The following PCDHGB2 variants were observed in gnomAD, a reference collection of about 807,000 sequenced individuals.
PCDHGB2 encodes protocadherin gamma subfamily B, 2.
PCDHGB2 carries 55 observed loss-of-function variants against 59.3 expected under a neutral mutation model. The observed-to-expected ratio is 0.93, with a 90% CI of 0.75 to 1.16. The LOEUF is 1.16. Among genes scored for constraint, PCDHGB2 ranks in the 50% most tolerant of loss-of-function variants. The pLI, the probability that PCDHGB2 is intolerant of heterozygous loss-of-function variation, is 0.00. For synonymous variants in PCDHGB2, 516 were observed against 512.0 expected (o/e 1.01, Z -0.11); for missense variants, 1,228 against 1,198.5 (o/e 1.02, Z -0.36).
rs778294045 is a variant in PCDHGB2 at position 141,399,841 on chromosome 5, G to A, written c.2421+37285G>A. 2 of 1,612,968 alleles carry A rather than the reference G, an allele frequency of 1.2e-6. No homozygotes were observed. Among genetic ancestry groups the A allele is most frequent in the African/African-American group, 1.3e-5 (1 of 74,926 alleles). ...GGGTCCCGACGGCTCTGCGCTCTTC[G>A]ATATGGTGCCGCGCGCTGCAGAGCC... On this transcript the variant is annotated intron_variant, in intron 1 of 3. Transcript: ENST00000522605.
intron 1 of PCDHGB2, among the ~76,000 whole-genome samples, chr5:141,484,045 G>A (rs934525987): frequency 7.9e-5 from 12 of 152,026 alleles, no homozygotes; most frequent in African/African-American, 2.9e-4. Context: ...AGCTCCAAGA[G>A]GTCCCCTGGG....
intron 1 of PCDHGB2, chr5:141,419,926 G>T: frequency 6.2e-7 from 1 of 1,614,096 alleles, no homozygotes; most frequent in South Asian, 1.1e-5. Flanking sequence ...CTGAGATGCA[G>T]TTTTACCTGG....
chr5:141,413,548 A>G, intron 1 of PCDHGB2: 1 of 1,613,946 alleles, frequency 6.2e-7, no homozygotes, highest in Non-Finnish European at 8.5e-7. Context: ...TGGGATAGAA[A>G]TAGAAGTAAC....
intron 1 of PCDHGB2, chr5:141,389,114 C>A: frequency 1.2e-6 from 2 of 1,614,004 alleles, no homozygotes; most frequent in Non-Finnish European, 1.7e-6. Flanking sequence ...TTCTAGACCG[C>A]GAGCAGAATC....
Position 141,511,256 on chromosome 5 carries a change from TTCAGGGC to T in PCDHGB2, c.*85_*91del. 6.4e-7 allele frequency: 1 copy of T among 1,563,506 alleles called. No individual in the cohort carries two copies. Among genetic ancestry groups the T allele is most frequent in the Non-Finnish European group, 8.7e-7 (1 of 1,154,422 alleles). The stretch of plus-strand genomic sequence containing the variant: ...CTTACCTGCACCCAGGCCTCAGAGT[TTCAGGGC>T]TAACCCCCAGAATACTGGTAGGGGC... On this transcript the variant is annotated 3_prime_UTR_variant, in exon 4 of 4. Coordinates refer to ENST00000522605, the MANE Select transcript of PCDHGB2 (RefSeq NM_018923.3).
rs1488305057 is a variant in PCDHGB2, at chr5:141,477,736, C to G, written c.2422-17071C>G. 6.2e-7 allele frequency: 1 copy of G among 1,613,790 alleles called. No homozygotes were observed. The highest frequency in any genetic ancestry group is 1.1e-5 in the South Asian group (1 of 91,088). On this transcript the variant is annotated intron_variant, in intron 1 of 3. Coordinates refer to ENST00000522605, the MANE Select transcript of PCDHGB2 (RefSeq NM_018923.3). This position sits in a 1 kb window ranked among gnomAD's most constrained non-coding sequence, Gnocchi z 4.9. ...AATTTGAATTAACAGCTCATATCAG[C>G]GATGGGGGCACCCCGGTCCTAGCCA...
At chr5:141,410,665 G>C (rs372651223) in intron 1 of PCDHGB2, 9 of 1,569,394 alleles carry the variant, frequency 5.7e-6, no homozygotes, top group Non-Finnish European at 7.7e-6. Flanking sequence ...TAGTCTACTA[G>C]TTTCTCATAT....
chr5:141,404,540 A>G, intron 1 of PCDHGB2: 2 of 1,613,920 alleles, frequency 1.2e-6, no homozygotes, highest in Non-Finnish European at 1.7e-6. Context: ...AGATTTGCAA[A>G]TGCAGGTGAC....
chr5:141,393,078 A>G, intron 1 of PCDHGB2: 1 of 1,613,718 alleles, frequency 6.2e-7, no homozygotes, highest in Non-Finnish European at 8.5e-7. Context: ...CACCGCGGGC[A>G]GGATAGATCG....
rs775081505 is a variant in PCDHGB2 at position 141,486,730 on chromosome 5, T to C, written c.2422-8077T>C. ...ACCCCCAGACAGGAGCTGTTCATGC[T>C]ACTCGATCCTTTGACTATGAGCAAA... On this transcript the variant is annotated intron_variant, in intron 1 of 3. Coordinates refer to ENST00000522605, the MANE Select transcript of PCDHGB2 (RefSeq NM_018923.3). This position sits in a 1 kb window ranked among gnomAD's most constrained non-coding sequence, Gnocchi z 5.0. 1 of 1,614,120 alleles carries C rather than the reference T, an allele frequency of 6.2e-7. No homozygotes were observed. Among genetic ancestry groups the C allele is most frequent in the Non-Finnish European group, 8.5e-7 (1 of 1,180,050 alleles).
chr5:141,403,612 GC>G, intron 1 of PCDHGB2: 1 of 1,613,854 alleles, frequency 6.2e-7, no homozygotes, highest in Non-Finnish European at 8.5e-7. Flanking sequence ...GCGGCGAGCC[GC>G]GTCGCTCCAG....
At chr5:141,375,610 C>G in intron 1 of PCDHGB2, 1 of 1,614,224 alleles carries the variant, frequency 6.2e-7, no homozygotes, top group Non-Finnish European at 8.5e-7. Context: ...CCATCAACTC[C>G]GACACTGGGA....
chr5:141,415,552 G>T (rs1244457142), intron 1 of PCDHGB2: 3 of 1,613,980 alleles, frequency 1.9e-6, no homozygotes, highest in African/African-American at 2.7e-5. Flanking sequence ...TGAGAAAAAC[G>T]ATCCTTTGTC....
chr5:141,463,572 C>A (rs1462125489), intron 1 of PCDHGB2, among the ~76,000 whole-genome samples: 2 of 151,572 alleles, frequency 1.3e-5, no homozygotes, highest in African/African-American at 4.9e-5. Context: ...CCTCAGCCTC[C>A]CGAGTAGCTG....
At position 141,393,369 on chromosome 5, in the gene PCDHGB2, G is replaced by A. The variant is rs748036677; in HGVS notation, c.2421+30813G>A. 19 of 1,613,962 alleles carry A rather than the reference G, an allele frequency of 1.2e-5. No homozygotes were observed. In the South Asian group the frequency reaches 2.0e-4, roughly 17 times the overall value. Reference sequence around the variant, plus strand: ...CTTCTCCCTGGACGTGCAGACTGGAGACAATGGAGCCATAAACCCAGAGCT... The same window carrying A: ...CTTCTCCCTGGACGTGCAGACTGGAAACAATGGAGCCATAAACCCAGAGCT... On this transcript the variant is annotated intron_variant, in intron 1 of 3. Coordinates refer to ENST00000522605, the MANE Select transcript of PCDHGB2 (RefSeq NM_018923.3).
At chr5:141,416,687 A>G (rs1283053610) in intron 1 of PCDHGB2, 1 of 152,270 alleles carries the variant, frequency 6.6e-6, no homozygotes, top group Non-Finnish European at 1.5e-5. Flanking sequence ...GGGAAATTAT[A>G]TAAACAAAGG....
rs183968443 is a variant in PCDHGB2 at position 141,495,033 on chromosome 5, G to A, written c.2480+168G>A. On this transcript the variant is annotated intron_variant, in intron 2 of 3. Coordinates refer to ENST00000522605, the MANE Select transcript of PCDHGB2 (RefSeq NM_018923.3). ...GGGGCTGGCACACAGACCCCGGAAG[G>A]AAGAGGCGACTGCCCTGACTGTTCA... is the stretch of plus-strand genomic sequence containing the variant. 1.4e-3 allele frequency: 1,380 copies of A among 968,234 alleles called. 4 individuals are homozygous for A. Among genetic ancestry groups the A allele is most frequent in the Middle Eastern group, 5.3e-3 (10 of 1,888 alleles). 60.0% of individuals were successfully genotyped at this position (968,234 alleles called of 1,614,324 possible).
intron 1 of PCDHGB2, chr5:141,412,993 G>T (rs1401025160): frequency 1.2e-5 from 7 of 574,186 alleles, no homozygotes; most frequent in Non-Finnish European, 1.8e-5. Context: ...GCTCAATCCG[G>T]ATTCTCAGGG....
intron 1 of PCDHGB2, chr5:141,394,981 G>T: frequency 6.2e-7 from 1 of 1,613,964 alleles, no homozygotes; most frequent in Non-Finnish European, 8.5e-7. Flanking sequence ...CACAAGTCAC[G>T]CCTGCTCCAG....
Sources: gnomAD v4.1 joint callset for allele counts (sites outside exome capture counted in the v4.1 genomes callset) on GRCh38, gnomAD v4.1.1 for gene constraint, Gnocchi (gnomAD v3.1) non-coding constraint, MANE v1.5 for transcripts, NCBI Gene and HGNC (gene_info 2026-07-23, HGNC 2026-07-21) for gene names.